The following GAK variants were observed in gnomAD, a reference collection of about 807,000 sequenced individuals.
GAK encodes cyclin-G-associated kinase.
Under a neutral mutation model 143.9 loss-of-function variants are expected in GAK, and 79 were observed. That is an observed-to-expected ratio of 0.55 (90% CI 0.46 to 0.66). The LOEUF (loss-of-function observed/expected upper bound fraction) is 0.66, where lower values mean the gene tolerates loss of function less well. Ranked by LOEUF, GAK falls within the 30% of genes least tolerant of loss-of-function variation. GAK has a pLI of 0.00. For missense variants in GAK, 1,693 were observed against 1,779.7 expected (o/e 0.95, Z 0.88); for synonymous variants, 881 against 765.5 (o/e 1.15, Z -2.49).
chr4:851,715 G>C, intron 25 of GAK, 35 bp downstream of exon 25: 2 of 1,598,170 alleles, frequency 1.3e-6, no homozygotes, highest in Non-Finnish European at 1.7e-6. Context: ...GGAGGTCTCT[G>C]CAAACTCCAC....
At chr4:907,680 TC>T (rs990194631) in intron 4 of GAK, among the ~76,000 whole-genome samples, 4 of 152,148 alleles carry the variant, frequency 2.6e-5, no homozygotes, top group Non-Finnish European at 4.4e-5. Context: ...ACCGGGCACA[TC>T]CCCGGAGCCC....
At chr4:930,279 A>G (rs1371238084) in intron 1 of GAK, among the ~76,000 whole-genome samples, 1 of 152,196 alleles carries the variant, frequency 6.6e-6, no homozygotes, top group Non-Finnish European at 1.5e-5. Flanking sequence ...TAAGTTTACA[A>G]GGAGGAAATC....
intron 15 of GAK, among the ~76,000 whole-genome samples, chr4:878,215 CCT>C (rs758049923): frequency 1.3e-5 from 2 of 152,070 alleles, no homozygotes; most frequent in Non-Finnish European, 2.9e-5. Flanking sequence ...ACGGTGAAAC[CCT>C]CTCTCTACTA....
intron 11 of GAK, 88 bp from the exon 12 acceptor site, chr4:884,174 G>T: frequency 8.6e-7 from 1 of 1,166,044 alleles, no homozygotes; most frequent in Non-Finnish European, 1.3e-6. Context: ...GAGGCCTGGA[G>T]AAGCCGTGGG....
In GAK at chr4:882,764, T is replaced by TTGTACAGGG; in HGVS notation, c.1451_1459dup (p.Thr484_Tyr486dup). 1 of 1,612,176 alleles carries TTGTACAGGG rather than the reference T, an allele frequency of 6.2e-7. No individual in the cohort carries two copies. ...CCAGGCGTGCATGTTCCTGCAGATG[T>TTGTACAGGG]TGTACAGGGTGTGCAGGTGTGGGGC... is the stretch of plus-strand genomic sequence containing the variant. On this transcript the variant is annotated inframe_insertion, in exon 14 of 28. Transcript: ENST00000314167.
At chr4:912,712 T>C (rs1272611054) in intron 3 of GAK, 23 bp downstream of exon 3, 3 of 1,610,376 alleles carry the variant, frequency 1.9e-6, no homozygotes, top group South Asian at 1.1e-5. Flanking sequence ...CCGTGCTGGC[T>C]CCTGGTTCCA....
intron 23 of GAK, among the ~76,000 whole-genome samples, chr4:863,982 C>A (rs1577068334): frequency 6.6e-6 from 1 of 152,184 alleles, no homozygotes; most frequent in African/African-American, 2.4e-5. Flanking sequence ...GAGATTGCAC[C>A]ACTGCGCTCC....
At chr4:910,117 G>A (rs1721783067) in intron 4 of GAK, among the ~76,000 whole-genome samples, 1 of 152,150 alleles carries the variant, frequency 6.6e-6, no homozygotes. Flanking sequence ...GGGCCCGCAG[G>A]CAGTCAGGTC....
chr4:887,378 A>C (rs1304563210), intron 11 of GAK: 1 of 147,310 alleles, frequency 6.8e-6, no homozygotes, highest in African/African-American at 2.6e-5. Flanking sequence ...CACACAGCTC[A>C]GGCACAGGCA....
At chr4:912,926 T>C in intron 2 of GAK, 132 bp from the exon 3 acceptor site, 1 of 607,790 alleles carries the variant, frequency 1.6e-6, no homozygotes, top group Non-Finnish European at 2.8e-6. Flanking sequence ...CCGTTTCGTG[T>C]GTCTCCACCT....
At chr4:899,696 A>C (rs1719494969) in intron 5 of GAK, among the ~76,000 whole-genome samples, 1 of 152,170 alleles carries the variant, frequency 6.6e-6, no homozygotes, top group African/African-American at 2.4e-5. Flanking sequence ...CGTGGCATCC[A>C]AGAGTGCAAG....
intron 24 of GAK, among the ~76,000 whole-genome samples, chr4:857,193 T>C (rs1053793412): frequency 6.6e-6 from 1 of 152,222 alleles, no homozygotes; most frequent in African/African-American, 2.4e-5. Flanking sequence ...TGTAGAATTC[T>C]CTTTATATAC....
At chr4:889,093 T>G in intron 10 of GAK, 123 bp from the exon 11 acceptor site, 1 of 1,256,122 alleles carries the variant, frequency 8.0e-7, no homozygotes, top group Non-Finnish European at 1.1e-6. Context: ...CGGTCCCACC[T>G]CCCCAGGTGC....
intron 19 of GAK, chr4:869,031 C>G (rs1162780884): frequency 1.1e-5 from 3 of 285,162 alleles, no homozygotes; most frequent in Middle Eastern, 1.1e-3. Flanking sequence ...AGCACACACA[C>G]AGGCGCACAG....
At position 856,749 on chromosome 4, in the gene GAK, C is replaced by A. The variant is rs949668492; in HGVS notation, c.3283+2857G>T. Reference sequence around the variant, plus strand: ...TCACCACAGCTGCTCACCACCACAGCTGGCTAATTCTTACAGGGGTCTCAC... The same window carrying A: ...TCACCACAGCTGCTCACCACCACAGATGGCTAATTCTTACAGGGGTCTCAC... On this transcript the variant is annotated intron_variant, in intron 24 of 27. Transcript: ENST00000314167. Among the ~76,000 whole-genome samples, 24 of 152,392 alleles carry A rather than the reference C, an allele frequency of 1.6e-4. 5 individuals carry two copies. The highest frequency in any genetic ancestry group is 1.9e-4 in the East Asian group (1 of 5,194).
intron 1 of GAK, among the ~76,000 whole-genome samples, chr4:916,937 T>C (rs1166269374): frequency 6.6e-6 from 1 of 152,196 alleles, no homozygotes; most frequent in East Asian, 1.9e-4. Flanking sequence ...GCAACCCAAA[T>C]GTCCATCAAC....
intron 1 of GAK, among the ~76,000 whole-genome samples, chr4:924,095 G>A (rs1374445170): frequency 1.4e-5 from 2 of 145,872 alleles, no homozygotes; most frequent in Non-Finnish European, 3.0e-5. Context: ...TGAGGCAGGA[G>A]AATTGTTTGA....
At chr4:888,280 G>A (rs941761753) in intron 11 of GAK, 1 of 152,452 alleles carries the variant, frequency 6.6e-6, no homozygotes, top group Admixed American at 6.5e-5. Context: ...CTCCTCAGAA[G>A]AGCCAGCGCA....
intron 4 of GAK, among the ~76,000 whole-genome samples, chr4:907,973 C>T (rs1438905139): frequency 3.3e-5 from 5 of 152,180 alleles, no homozygotes; most frequent in Non-Finnish European, 7.4e-5. Context: ...AGCGATGAGC[C>T]GCTGGCCCCG....
Sources: gnomAD v4.1 joint callset for allele counts (sites outside exome capture counted in the v4.1 genomes callset) on GRCh38, gnomAD v4.1.1 for gene constraint, MANE v1.5 for transcripts, NCBI Gene and HGNC (gene_info 2026-07-23, HGNC 2026-07-21) for gene names.